The following MGAT4C variants were observed in gnomAD, a reference collection of about 807,000 sequenced individuals.
MGAT4C encodes the protein MGAT4 family member C.
Under a neutral mutation model 40.1 loss-of-function variants are expected in MGAT4C, and 19 were observed. That is an observed-to-expected ratio of 0.47 (90% confidence interval 0.33 to 0.70). The LOEUF is 0.70. MGAT4C is among the 30% of genes least tolerant of loss of function. The pLI is 0.02. For synonymous variants in MGAT4C, 181 were observed against 187.1 expected, an observed-to-expected ratio of 0.97 and a Z score of 0.27; for missense variants, 491 against 563.2, an observed-to-expected ratio of 0.87 and a Z score of 1.30.
chr12:86,498,587 C>T (rs1198166758), intron 2 of MGAT4C, among the ~76,000 whole-genome samples: 1 of 151,844 alleles, frequency 6.6e-6, no homozygotes, highest in Non-Finnish European at 1.5e-5. Flanking sequence ...CAATCAAGAG[C>T]AATGTAATCA....
chr12:86,253,486 C>CT (rs766524772), intron 1 of MGAT4C, among the ~76,000 whole-genome samples: 3 of 151,944 alleles, frequency 2.0e-5, no homozygotes, highest in Non-Finnish European at 4.4e-5. Context: ...TTATTAGTCT[C>CT]TGTTTCCTTA....
chr12:85,980,416 C>A lies in MGAT4C; in HGVS notation c.310G>T (p.Gly104Ter). 1.3e-6 allele frequency: 2 copies of A among 1,595,188 alleles called. No homozygotes were observed. Among genetic ancestry groups the A allele is most frequent in the Non-Finnish European group, 8.5e-7 (1 of 1,171,508 alleles). Reference protein sequence around the residue: ...PLQRKRYLTIGLSSVKRKKGN... With the variant: ...PLQRKRYLTI ...TTTTTTCGCTTTACTGAAGAAAGTC[C>A]AATTGTAAGATACCCTGCAAAAAAG... Residue 104 changes from glycine to a stop codon, truncating the protein, a stop_gained, in exon 5 of 5, where the codon GGA (glycine) becomes TGA (stop). Coordinates refer to ENST00000611864, the MANE Select transcript of MGAT4C (RefSeq NM_001351288.2). LOFTEE classifies it high-confidence loss of function.
chr12:86,698,329 T>A (rs959098915), intron 2 of MGAT4C, among the ~76,000 whole-genome samples: 2 of 151,964 alleles, frequency 1.3e-5, no homozygotes, highest in African/African-American at 2.4e-5. Context: ...TAAGTGAAAA[T>A]TTTTTAAAAA....
intron 1 of MGAT4C, among the ~76,000 whole-genome samples, chr12:86,838,161 C>T (rs1057381405): frequency 6.6e-6 from 1 of 152,070 alleles, no homozygotes; most frequent in Non-Finnish European, 1.5e-5. Context: ...AAGACTTATA[C>T]TGAAGTTTCT....
At chr12:86,480,277 A>G (rs1026198656) in intron 2 of MGAT4C, among the ~76,000 whole-genome samples, 1 of 151,914 alleles carries the variant, frequency 6.6e-6, no homozygotes, top group Non-Finnish European at 1.5e-5. Context: ...AAACAAAATG[A>G]AACAAGAGAG....
intron 2 of MGAT4C, among the ~76,000 whole-genome samples, chr12:86,031,448 G>A (rs1037552421): frequency 6.6e-6 from 1 of 151,652 alleles, no homozygotes; most frequent in African/African-American, 2.4e-5. Context: ...TAATGCATGA[G>A]AGTAAAATAT....
chr12:86,670,376 G>A (rs962994833), intron 2 of MGAT4C, among the ~76,000 whole-genome samples: 1 of 151,836 alleles, frequency 6.6e-6, no homozygotes, highest in African/African-American at 2.4e-5. Context: ...CAGAACTTCT[G>A]GAATTTAAAA....
At chr12:86,151,422 C>G (rs975016813) in intron 1 of MGAT4C, among the ~76,000 whole-genome samples, 5 of 152,072 alleles carry the variant, frequency 3.3e-5, no homozygotes, top group African/African-American at 1.2e-4. Flanking sequence ...ACCATCCTGG[C>G]TAACACGGTG....
chr12:86,184,686 T>G (rs2135879401), intron 1 of MGAT4C, among the ~76,000 whole-genome samples: 1 of 149,670 alleles, frequency 6.7e-6, no homozygotes, highest in Non-Finnish European at 1.5e-5. Flanking sequence ...TTTCTTTTAC[T>G]TTTGTTTTCT....
chr12:86,536,272 A>G (rs977124318), intron 2 of MGAT4C, among the ~76,000 whole-genome samples: 1 of 152,144 alleles, frequency 6.6e-6, no homozygotes, highest in Admixed American at 6.6e-5. Context: ...CATTATTTAC[A>G]TAATATGAAT....
In MGAT4C at chr12:85,962,575, T is replaced by A. The variant is rs1166405438; in HGVS notation, c.*16714A>T. On this transcript the variant is annotated 3_prime_UTR_variant, in exon 5 of 5. Coordinates refer to ENST00000611864, the MANE Select transcript of MGAT4C (RefSeq NM_001351288.2). ...AATGTGATTTGACAAATCACATTTG[T>A]CAAATAAGGAATGGCTGAATTAAAT... 1 of 150,774 alleles carries A rather than the reference T, an allele frequency of 6.6e-6. No individual in the cohort carries two copies. The highest frequency in any genetic ancestry group is 1.5e-5 in the Non-Finnish European group (1 of 67,440). 9.3% of individuals were successfully genotyped at this position (150,774 alleles called of 1,614,324 possible). A position where few individuals can be genotyped will look rare whatever the true frequency, so the allele number is the denominator to read the frequency against.
chr12:86,025,031 C>T (rs542207888), intron 2 of MGAT4C, among the ~76,000 whole-genome samples: 2 of 151,352 alleles, frequency 1.3e-5, no homozygotes, highest in Non-Finnish European at 3.0e-5. Context: ...ATGTCTTTTC[C>T]TCTTGGTCAC....
intron 1 of MGAT4C, among the ~76,000 whole-genome samples, chr12:86,106,048 G>C (rs1320227245): frequency 6.6e-6 from 1 of 152,052 alleles, no homozygotes; most frequent in Non-Finnish European, 1.5e-5. Context: ...ATTCTTTCTA[G>C]TTTGAACTCC....
intron 2 of MGAT4C, among the ~76,000 whole-genome samples, chr12:86,563,292 G>T (rs1959953646): frequency 4.6e-5 from 7 of 152,154 alleles, no homozygotes; most frequent in Admixed American, 4.6e-4. Context: ...ACTGTCAAAG[G>T]CAAGGTGGGC....
intron 2 of MGAT4C, among the ~76,000 whole-genome samples, chr12:86,651,624 C>G (rs962737631): frequency 6.6e-6 from 1 of 151,788 alleles, no homozygotes; most frequent in African/African-American, 2.4e-5. Flanking sequence ...CCACAAGATG[C>G]CTAACATTGA....
intron 2 of MGAT4C, among the ~76,000 whole-genome samples, chr12:86,469,260 G>C (rs1167626858): frequency 6.6e-6 from 1 of 152,096 alleles, no homozygotes; most frequent in Non-Finnish European, 1.5e-5. Context: ...ACCCTGTTGT[G>C]TAAGGCTTCT....
At chr12:86,651,896 A>C (rs1963708453) in intron 2 of MGAT4C, among the ~76,000 whole-genome samples, 1 of 151,890 alleles carries the variant, frequency 6.6e-6, no homozygotes, top group Non-Finnish European at 1.5e-5. Context: ...TTTTAATTAG[A>C]AACAATAAAT....
At chr12:86,050,418 A>G (rs986755030) in intron 1 of MGAT4C, among the ~76,000 whole-genome samples, 6 of 152,206 alleles carry the variant, frequency 3.9e-5, no homozygotes, top group East Asian at 1.9e-4. Flanking sequence ...AAGCAAAGGT[A>G]GTTTGAGAAA....
chr12:86,353,193 A>G (rs1453759825), intron 3 of MGAT4C, among the ~76,000 whole-genome samples: 1 of 152,024 alleles, frequency 6.6e-6, no homozygotes. Context: ...TATCTCCTCT[A>G]CAGTAAAGCC....
Sources: gnomAD v4.1 joint callset for allele counts (sites outside exome capture counted in the v4.1 genomes callset) on GRCh38, gnomAD v4.1.1 for gene constraint, MANE v1.5 for transcripts, NCBI Gene and HGNC (gene_info 2026-07-23, HGNC 2026-07-21) for gene names.